The following ACAN variants were observed in gnomAD, a reference collection of about 807,000 sequenced individuals.
ACAN encodes aggrecan.
A neutral mutation model predicts 169.1 loss-of-function variants in ACAN; 47 were observed. That is an observed-to-expected ratio of 0.28 (90% CI 0.22 to 0.35). ACAN has a LOEUF of 0.35. Ranked by LOEUF, ACAN falls within the 10% of genes least tolerant of loss-of-function variation. The pLI is 1.00. For missense variants in ACAN, 2,716 were observed against 2,759.9 expected, an observed-to-expected ratio of 0.98 and a Z score of 0.36; for synonymous variants, 1,115 against 1,112.2, an observed-to-expected ratio of 1.00 and a Z score of -0.05.
In ACAN at chr15:88,859,267, C is replaced by T. The variant is rs751475234; in HGVS notation, c.6682C>T (p.Arg2228Cys). 2.4e-5 allele frequency: 38 copies of T among 1,613,750 alleles called. No individual in the cohort carries two copies. The highest frequency in any genetic ancestry group is 1.6e-4 in the South Asian group (15 of 91,074). Residue 2228 changes from arginine (R) to cysteine (C), a missense_variant, in exon 12 of 19, where the codon CGC becomes TGC. By Grantham distance (180) the Arg-to-Cys change is radical. Coordinates refer to ENST00000560601, the MANE Select transcript of ACAN (RefSeq NM_001369268.1). Reference protein sequence around the residue: ...PESEWTQQTQRPAETHLEIES... With the variant: ...PESEWTQQTQCPAETHLEIES... ...GTCTGAGTGGACCCAGCAGACCCAG[C>T]GCCCTGCAGAGACGCATCTAGAAAT...
At chr15:88,853,552 C>A (rs1455458456) in intron 11 of ACAN, among the ~76,000 whole-genome samples, 1 of 152,168 alleles carries the variant, frequency 6.6e-6, no homozygotes, top group African/African-American at 2.4e-5. Context: ...GCATGAGAAT[C>A]ACTTGAACCC....
chr15:88,819,180 A>G (rs1896013927), intron 1 of ACAN, among the ~76,000 whole-genome samples: 1 of 152,308 alleles, frequency 6.6e-6, no homozygotes, highest in African/African-American at 2.4e-5. Flanking sequence ...GACTGGGGAC[A>G]TGCCAGAGAC....
intron 1 of ACAN, among the ~76,000 whole-genome samples, chr15:88,813,837 A>G (rs1895878274): frequency 6.6e-6 from 1 of 152,128 alleles, no homozygotes; most frequent in Admixed American, 6.5e-5. Context: ...CTCAGCCACT[A>G]GGGTCCACAC....
At chr15:88,813,683 T>C (rs1567163763) in intron 1 of ACAN, among the ~76,000 whole-genome samples, 1 of 152,324 alleles carries the variant, frequency 6.6e-6, no homozygotes, top group East Asian at 1.9e-4. Flanking sequence ...CTCATTTCCT[T>C]TACATCTTTT....
rs751772662 is a variant in ACAN, at chr15:88,849,518, C to T, written c.1813C>T (p.Leu605=). The stretch of plus-strand genomic sequence containing the variant: ...GTTCTGTGAATCTCACAATGCTACG[C>T]TGGCCACCACGGGCCAGCTCTACGC... ...LEFCESHNAT[L]ATTGQLYAAW... The change falls in exon 10 of 19, where the codon CTG becomes TTG. Residue 605 remains leucine, a synonymous_variant. Coordinates refer to ENST00000560601, the MANE Select transcript of ACAN (RefSeq NM_001369268.1). The surrounding 1 kb of genome is among the most constrained non-coding windows in gnomAD (Gnocchi z 5.1). 2.5e-6 allele frequency: 4 copies of T among 1,606,748 alleles called. No homozygotes were observed. The South Asian group carries it at 4.4e-5, about 18-fold the overall frequency.
chr15:88,871,450 G>A lies in ACAN; in HGVS notation c.7129G>A (p.Glu2377Lys), dbSNP rs1204709768. ...CTGTTACCGCCACTTCCCGGACCGCGAGACCTGGGTGGATGCTGAGCGCCG... is the reference window on the plus strand; with the variant it reads ...CTGTTACCGCCACTTCCCGGACCGCAAGACCTGGGTGGATGCTGAGCGCCG... ...GHCYRHFPDR[E>K]TWVDAERRCR... The change falls in exon 15 of 19, where the codon GAG becomes AAG. Residue 2377 changes from glutamate to lysine, a missense_variant. By Grantham distance (56) the Glu-to-Lys change is moderately conservative (BLOSUM62 1). Coordinates refer to ENST00000560601, the MANE Select transcript of ACAN (RefSeq NM_001369268.1). This position sits in a 1 kb window ranked among gnomAD's most constrained non-coding sequence, Gnocchi z 7.8. 2.5e-6 allele frequency: 4 copies of A among 1,613,964 alleles called. No individual in the cohort carries two copies. The highest frequency in any genetic ancestry group is 2.5e-6 in the Non-Finnish European group (3 of 1,179,890).
In ACAN at chr15:88,859,694, T is replaced by C. The variant is rs953065; in HGVS notation, c.6832+277T>C. Among the ~76,000 whole-genome samples the C allele has an allele frequency of 0.66, 100,848 of 152,116 alleles. 33,656 individuals are homozygous for C. Among genetic ancestry groups the C allele is most frequent in the Non-Finnish European group, 0.7 (47,314 of 67,990 alleles). On this transcript the variant is annotated intron_variant, in intron 12 of 18. Coordinates refer to ENST00000560601, the MANE Select transcript of ACAN (RefSeq NM_001369268.1). Reference sequence around the variant, plus strand: ...TGCATGCAGTGCACACTTGTAAAGATGAGTGATGTTATCGTTACAGCGGAG... The same window carrying C: ...TGCATGCAGTGCACACTTGTAAAGACGAGTGATGTTATCGTTACAGCGGAG...
chr15:88,867,773 G>C (rs1596154087), intron 13 of ACAN, among the ~76,000 whole-genome samples: 1 of 152,204 alleles, frequency 6.6e-6, no homozygotes, highest in South Asian at 2.1e-4. Flanking sequence ...GCCAGGAAAA[G>C]AAAGACCTCT....
chr15:88,842,436 T>C (rs1037150429), intron 5 of ACAN, among the ~76,000 whole-genome samples: 3 of 152,150 alleles, frequency 2.0e-5, no homozygotes, highest in Non-Finnish European at 4.4e-5. Context: ...GATGACACCC[T>C]TTCCCCCATC....
At chr15:88,827,165 A>T (rs1423621279) in intron 1 of ACAN, among the ~76,000 whole-genome samples, 1 of 152,170 alleles carries the variant, frequency 6.6e-6, no homozygotes, top group East Asian at 1.9e-4. Flanking sequence ...TTGCCTGAAG[A>T]TAGAGAGGGG....
chr15:88,855,071 C>A lies in ACAN; in HGVS notation c.2486C>A (p.Pro829Gln). Reference protein sequence around the residue: ...PSEEPFPSKEPSPSEEPSASE... With the variant: ...PSEEPFPSKEQSPSEEPSASE... Reference sequence around the variant, plus strand: ...GAGGAGCCATTCCCCTCCAAGGAGCCATCCCCCTCAGAGGAACCATCAGCC... The same window carrying A: ...GAGGAGCCATTCCCCTCCAAGGAGCAATCCCCCTCAGAGGAACCATCAGCC... The change falls in exon 12 of 19, where the codon CCA (proline) becomes CAA (glutamine). Residue 829 changes from proline to glutamine, a missense_variant. By Grantham distance (76) the Pro-to-Gln change is moderately conservative. This residue lies in a region of ACAN where 1,283 missense variants were observed against 1,281.5 expected (regional missense o/e 1.00). Transcript: ENST00000560601. The A allele has an allele frequency of 6.3e-7, 1 of 1,582,842 alleles. No homozygotes were observed. The highest frequency in any genetic ancestry group is 2.2e-5 in the East Asian group (1 of 44,674).
At position 88,851,221 on chromosome 15, in the gene ACAN, C is replaced by T. The variant is rs1896922827; in HGVS notation, c.2027-573C>T. On this transcript the variant is annotated intron_variant, in intron 10 of 18. Coordinates refer to ENST00000560601, the MANE Select transcript of ACAN (RefSeq NM_001369268.1). This position sits in a 1 kb window ranked among gnomAD's most constrained non-coding sequence, Gnocchi z 4.3. ...TTTCCCCCACACCAGTACAGTTACCCCCAGCCCATGAATCCTGCCTTCACG... is the reference window on the plus strand; with the variant it reads ...TTTCCCCCACACCAGTACAGTTACCTCCAGCCCATGAATCCTGCCTTCACG... 6.4e-6 allele frequency: 1 copy of T among 156,604 alleles called. No homozygotes were observed. Among genetic ancestry groups the T allele is most frequent in the Non-Finnish European group, 1.4e-5 (1 of 71,080 alleles). The allele number at this position is 156,604 out of a possible 1,614,324, so 9.7% of individuals were successfully genotyped here. A position where few individuals can be genotyped will look rare whatever the true frequency, so the allele number is the denominator to read the frequency against.
chr15:88,822,151 A>T (rs1198929396), intron 1 of ACAN, among the ~76,000 whole-genome samples: 1 of 152,208 alleles, frequency 6.6e-6, no homozygotes, highest in Non-Finnish European at 1.5e-5. Flanking sequence ...GGTCAGGTTG[A>T]TACCTCGTGC....
chr15:88,852,090 A>G (rs1896945667), intron 11 of ACAN, 57 bp downstream of exon 11: 1 of 1,538,928 alleles, frequency 6.5e-7, no homozygotes, highest in East Asian at 2.5e-5. Flanking sequence ...CTGTCTTCCT[A>G]CAGTGTGCCT....
Position 88,849,400 on chromosome 15 carries a change from TG to T in ACAN, c.1733-31del, listed in dbSNP as rs757773708. On this transcript the variant is annotated intron_variant, in intron 9 of 18. Transcript: ENST00000560601. This position sits in a 1 kb window ranked among gnomAD's most constrained non-coding sequence, Gnocchi z 5.1. ...GGCAGGGATGGACCTGGCCTGAGTG[TG>T]GGGGGGTCATATTCTACCCCTTGCC... The T allele has an allele frequency of 9.9e-6, 15 of 1,521,464 alleles. No homozygotes were observed. In the East Asian group the frequency reaches 1.4e-4, roughly 14 times the overall value. The allele number at this position is 1,521,464 out of a possible 1,614,324, so 94.2% of individuals were successfully genotyped here. A position where few individuals can be genotyped will look rare whatever the true frequency, so the allele number is the denominator to read the frequency against.
rs536798525 is a variant in ACAN, at chr15:88,845,494, C to T, written c.1052-11C>T. On this transcript the variant is annotated splice_polypyrimidine_tract_variant and intron_variant, in intron 6 of 18. Transcript: ENST00000560601. ...CTGAGAGGCTAAAGCTTGTCTTTGC[C>T]CCTCCCCTAGGTGAAGACTTTGTGG... 2 of 1,587,382 alleles carry T rather than the reference C, an allele frequency of 1.3e-6. No homozygotes were observed. The highest frequency in any genetic ancestry group is 2.2e-5 in the East Asian group (1 of 44,464).
intron 1 of ACAN, among the ~76,000 whole-genome samples, chr15:88,825,867 A>C (rs1896204593): frequency 6.6e-6 from 1 of 152,226 alleles, no homozygotes; most frequent in African/African-American, 2.4e-5. Context: ...GCCTTCGGCA[A>C]ACCAAGGCCA....
rs780109464 is a variant in ACAN at position 88,857,346 on chromosome 15, T to G, written c.4761T>G (p.Ser1587Arg). 7.4e-6 allele frequency: 12 copies of G among 1,613,614 alleles called. No individual in the cohort carries two copies. In the African/African-American group the frequency reaches 1.2e-4, roughly 16 times the overall value. ...CAGCTTCTGGAGCTGAGGACCTCAG[T>G]GGGTTGCCTTCTGGAAAAGAAGACT... ...ETSASGAEDLSGLPSGKEDLV... is the reference protein window; with the variant it reads ...ETSASGAEDLRGLPSGKEDLV... The change falls in exon 12 of 19, where the codon AGT (serine) becomes AGG (arginine). Residue 1587 changes from serine (S) to arginine (R), a missense_variant. By Grantham distance (110) the Ser-to-Arg change is moderately radical (BLOSUM62 -1). Transcript: ENST00000560601.
intron 1 of ACAN, among the ~76,000 whole-genome samples, chr15:88,818,772 T>C (rs143559912): frequency 1.3e-5 from 2 of 152,322 alleles, no homozygotes; most frequent in African/African-American, 4.8e-5. Flanking sequence ...TGTGGAGCTT[T>C]AGGGGCCAAC....
Sources: gnomAD v4.1 joint callset for allele counts (sites outside exome capture counted in the v4.1 genomes callset) on GRCh38, gnomAD v4.1.1 for gene constraint, gnomAD v4.1.1 regional missense constraint, Gnocchi (gnomAD v3.1) non-coding constraint, MANE v1.5 for transcripts, NCBI Gene and HGNC (gene_info 2026-07-23, HGNC 2026-07-21) for gene names.